The following DDX46 variants were observed in gnomAD, a reference collection of about 807,000 sequenced individuals.
DDX46 encodes the protein probable ATP-dependent RNA helicase DDX46.
In DDX46, 30 loss-of-function variants were observed where a neutral mutation model predicts 134.9. The observed-to-expected ratio is 0.22, with a 90% CI of 0.17 to 0.30. DDX46 has a LOEUF of 0.30. Among genes scored for constraint, DDX46 ranks in the 10% least tolerant of loss-of-function variants. DDX46 has a pLI of 1.00. For missense variants in DDX46, 622 were observed against 1,248.7 expected (o/e 0.50, Z 7.56); for synonymous variants, 415 against 404.1 (o/e 1.03, Z -0.32).
chr5:134,774,021 C>T (rs1460603071), intron 5 of DDX46, among the ~76,000 whole-genome samples, 160 bp downstream of exon 5: 2 of 152,122 alleles, frequency 1.3e-5, no homozygotes, highest in Non-Finnish European at 2.9e-5. Flanking sequence ...GTGATAAATA[C>T]ATTTGCAGTG....
intron 15 of DDX46, chr5:134,804,983 GC>G: frequency 2.7e-6 from 1 of 376,356 alleles, no homozygotes; most frequent in East Asian, 6.1e-5. Flanking sequence ...GTCTGCATGG[GC>G]ACATGCCACC....
intron 6 of DDX46, among the ~76,000 whole-genome samples, chr5:134,778,187 T>G (rs1012201458): frequency 6.6e-6 from 1 of 151,866 alleles, no homozygotes; most frequent in African/African-American, 2.4e-5. Context: ...CCTGGCTAAT[T>G]TTTGTATTTT....
At chr5:134,782,800 C>G (rs1754195933) in intron 8 of DDX46, 145 bp from the exon 9 acceptor site, 3 of 983,694 alleles carry the variant, frequency 3.0e-6, no homozygotes, top group Non-Finnish European at 4.2e-6. Flanking sequence ...GTCTGTCTCC[C>G]AAAGTGCTAG....
In DDX46 at chr5:134,816,561, T is replaced by C. The variant is rs1755293104; in HGVS notation, c.2568T>C (p.Ala856=). Residue 856 remains alanine, a synonymous_variant, in exon 19 of 23, where the codon GCT becomes GCC. Coordinates refer to ENST00000452510, the MANE Select transcript of DDX46 (RefSeq NM_001300860.2). ...AEKLEIAKRL[A]LRINAQKNLG... ...AATTAGAAATTGCTAAGAGATTGGC[T>C]CTTAGAATCAATGCCCAGAAGAATT... 16 of 1,613,900 alleles carry C rather than the reference T, an allele frequency of 9.9e-6. No individual in the cohort carries two copies. The highest frequency in any genetic ancestry group is 1.3e-5 in the Non-Finnish European group (15 of 1,179,936).
At chr5:134,811,002 T>C (rs966333311) in intron 16 of DDX46, among the ~76,000 whole-genome samples, 1 of 152,094 alleles carries the variant, frequency 6.6e-6, no homozygotes, top group Non-Finnish European at 1.5e-5. Context: ...TGAGACTCCA[T>C]CTCAAAAAAA....
chr5:134,764,255 C>T (rs573228280), intron 2 of DDX46, among the ~76,000 whole-genome samples, 163 bp downstream of exon 2: 1 of 151,238 alleles, frequency 6.6e-6, no homozygotes, highest in South Asian at 2.1e-4. Context: ...GATGTGCCTA[C>T]AAAGACTCTA....
Position 134,830,284 on chromosome 5 carries a change from T to G in DDX46, c.*1578T>G, listed in dbSNP as rs189014922. 1 of 152,274 alleles carries G rather than the reference T, an allele frequency of 6.6e-6. No homozygotes were observed. The highest frequency in any genetic ancestry group is 1.5e-5 in the Non-Finnish European group (1 of 68,008). 9.4% of individuals were successfully genotyped at this position (152,274 alleles called of 1,614,324 possible). A position where few individuals can be genotyped will look rare whatever the true frequency, so the allele number is the denominator to read the frequency against. ...TAGGTATTTTAAGTAATTTAAAGGT[T>G]ACAGTATACAGGCGGTTAAAGTATA... On this transcript the variant is annotated 3_prime_UTR_variant, in exon 23 of 23. Coordinates refer to ENST00000452510, the MANE Select transcript of DDX46 (RefSeq NM_001300860.2).
chr5:134,816,142 A>T (rs973160381), intron 18 of DDX46, among the ~76,000 whole-genome samples: 4 of 152,140 alleles, frequency 2.6e-5, no homozygotes, highest in Non-Finnish European at 4.4e-5. Flanking sequence ...TTGAACAGGG[A>T]TGAAGTTTCT....
At position 134,764,017 on chromosome 5, in the gene DDX46, A is replaced by G. The variant is rs769375039; in HGVS notation, c.131A>G (p.Asp44Gly). The change falls in exon 2 of 23, where the codon GAT (aspartate) becomes GGT (glycine). Residue 44 changes from aspartate (D) to glycine (G), a missense_variant. By Grantham distance (94) the Asp-to-Gly change is moderately conservative. Coordinates refer to ENST00000452510, the MANE Select transcript of DDX46 (RefSeq NM_001300860.2). ...GATGACAGACGGTCTAGAAGTAGAG[A>G]TAGAGATAGGAGGAGAGAGAGGTCT... ...RGDDRRSRSR[D>G]RDRRRERSRS... is the part of the protein sequence containing the mutation. 2 of 1,614,102 alleles carry G rather than the reference A, an allele frequency of 1.2e-6. No homozygotes were observed. The highest frequency in any genetic ancestry group is 1.7e-5 in the Admixed American group (1 of 59,996).
chr5:134,800,107 C>A (rs1441424274), intron 15 of DDX46, among the ~76,000 whole-genome samples: 1 of 151,896 alleles, frequency 6.6e-6, no homozygotes, highest in Non-Finnish European at 1.5e-5. Flanking sequence ...ACCGCCATGC[C>A]CGGCTAATTT....
chr5:134,819,883 G>T (rs1183209703), intron 21 of DDX46, among the ~76,000 whole-genome samples: 2 of 151,870 alleles, frequency 1.3e-5, no homozygotes, highest in Non-Finnish European at 2.9e-5. Context: ...AGGACACCCT[G>T]TCACACTTTA....
intron 21 of DDX46, among the ~76,000 whole-genome samples, chr5:134,820,325 A>C (rs1278295446): frequency 6.6e-6 from 1 of 152,234 alleles, no homozygotes; most frequent in Non-Finnish European, 1.5e-5. Context: ...AGACTGCTAG[A>C]TAATAGCACC....
intron 15 of DDX46, among the ~76,000 whole-genome samples, chr5:134,806,721 C>T (rs1754999025): frequency 6.6e-6 from 1 of 151,982 alleles, no homozygotes; most frequent in Admixed American, 6.6e-5. Flanking sequence ...TATGTTAAAC[C>T]CAGATTTTCT....
rs574391877 is a variant in DDX46 at position 134,829,605 on chromosome 5, C to T, written c.*899C>T. 5.4e-4 allele frequency: 82 copies of T among 152,002 alleles called. 1 individual carries two copies. The highest frequency in any genetic ancestry group is 1.9e-3 in the African/African-American group (78 of 41,458). The allele number at this position is 152,002 out of a possible 1,614,324, so 9.4% of individuals were successfully genotyped here. On this transcript the variant is annotated 3_prime_UTR_variant, in exon 23 of 23. Coordinates refer to ENST00000452510, the MANE Select transcript of DDX46 (RefSeq NM_001300860.2). ...TAAAAATTGTAAAACATAATGGTAC[C>T]CAAGTTTTAAACTTAGATGTGCTTC...
At chr5:134,807,404 C>T (rs778892822) in intron 15 of DDX46, among the ~76,000 whole-genome samples, 1 of 152,086 alleles carries the variant, frequency 6.6e-6, no homozygotes. Context: ...AAATAACCTA[C>T]AGGGAAAGGA....
At chr5:134,795,539 G>A (rs925367139) in intron 14 of DDX46, among the ~76,000 whole-genome samples, 4 of 152,132 alleles carry the variant, frequency 2.6e-5, no homozygotes, top group Non-Finnish European at 5.9e-5. Context: ...CACCAAAAGT[G>A]GTGAGTGGTG....
At chr5:134,787,382 C>T (rs1441172414) in intron 11 of DDX46, among the ~76,000 whole-genome samples, 1 of 152,132 alleles carries the variant, frequency 6.6e-6, no homozygotes, top group African/African-American at 2.4e-5. Context: ...CTTCTTTGTT[C>T]TTAATAAGCT....
chr5:134,793,605 A>G (rs1287220691), intron 13 of DDX46, among the ~76,000 whole-genome samples: 1 of 152,056 alleles, frequency 6.6e-6, no homozygotes, highest in Non-Finnish European at 1.5e-5. Flanking sequence ...GGGTTTCACC[A>G]TGTTGGCTGG....
intron 11 of DDX46, among the ~76,000 whole-genome samples, chr5:134,787,989 G>A (rs1000826914): frequency 3.5e-5 from 5 of 144,664 alleles, no homozygotes; most frequent in African/African-American, 1.3e-4. Flanking sequence ...GCTGCACTGG[G>A]CAACAGAGCC....
Sources: gnomAD v4.1 joint callset for allele counts (sites outside exome capture counted in the v4.1 genomes callset) on GRCh38, gnomAD v4.1.1 for gene constraint, MANE v1.5 for transcripts, NCBI Gene and HGNC (gene_info 2026-07-23, HGNC 2026-07-21) for gene names.